The following ZFP62 variants were observed in gnomAD, a reference collection of about 807,000 sequenced individuals.
ZFP62 encodes the protein zinc finger protein 62 homolog.
Under a neutral mutation model 56.4 loss-of-function variants are expected in ZFP62, and 44 were observed. That is an observed-to-expected ratio of 0.78 (90% confidence interval 0.61 to 1.00). The LOEUF (loss-of-function observed/expected upper bound fraction) is 1.00, where lower values mean the gene tolerates loss of function less well. ZFP62 is among the 50% of genes least tolerant of loss of function. The probability of loss-of-function intolerance (pLI) is 0.00; values close to 1 mark genes in which losing one functional copy is unlikely to be tolerated. For synonymous variants in ZFP62, 421 were observed against 388.9 expected, an observed-to-expected ratio of 1.08 and a Z score of -0.97; for missense variants, 1,030 against 1,085.7, an observed-to-expected ratio of 0.95 and a Z score of 0.72.
At chr5:180,831,022 G>A in the ZFP62 span, 1 of 152,654 alleles carries the variant, frequency 6.6e-6, no homozygotes, top group East Asian at 1.9e-4. Flanking sequence ...CTGGAGCGAA[G>A]AGTTCTTTTG....
the ZFP62 span, among the ~76,000 whole-genome samples, chr5:180,829,515 CTT>C: frequency 5.9e-5 from 9 of 152,216 alleles, no homozygotes; most frequent in African/African-American, 1.9e-4. Flanking sequence ...TCTTTGTACT[CTT>C]TATTTCTCAG....
chr5:180,855,053 C>T (rs1241351282), intron 1 of ZFP62, among the ~76,000 whole-genome samples: 1 of 152,078 alleles, frequency 6.6e-6, no homozygotes, highest in Non-Finnish European at 1.5e-5. Flanking sequence ...TGAGACTATC[C>T]CAATCCTTAG....
chr5:180,828,833 G>C, the ZFP62 span, among the ~76,000 whole-genome samples: 4 of 152,208 alleles, frequency 2.6e-5, no homozygotes, highest in Non-Finnish European at 5.9e-5. Flanking sequence ...GGACGTGCAA[G>C]TAGGGAAGAT....
the ZFP62 span, among the ~76,000 whole-genome samples, chr5:180,841,276 T>C: frequency 6.8e-6 from 1 of 147,320 alleles, no homozygotes; most frequent in African/African-American, 2.5e-5. Context: ...CACATATATA[T>C]ATACATACAT....
At chr5:180,835,890 A>G in the ZFP62 span, among the ~76,000 whole-genome samples, 1 of 152,248 alleles carries the variant, frequency 6.6e-6, no homozygotes, top group African/African-American at 2.4e-5. Context: ...TTCCTAGGGC[A>G]GCCGTAACAA....
the ZFP62 span, among the ~76,000 whole-genome samples, chr5:180,828,671 G>T: frequency 1.3e-5 from 2 of 152,108 alleles, no homozygotes; most frequent in Non-Finnish European, 2.9e-5. Context: ...ATTATAAAAC[G>T]TGTGTTTGAA....
At position 180,851,299 on chromosome 5, in the gene ZFP62, T is replaced by G; in HGVS notation, c.196A>C (p.Ser66Arg). 6.4e-7 allele frequency: 1 copy of G among 1,551,718 alleles called. No individual in the cohort carries two copies. The highest frequency in any genetic ancestry group is 1.4e-5 in the African/African-American group (1 of 73,166). Residue 66 changes from serine (S) to arginine (R), a missense_variant, in exon 2 of 2, where the codon AGC becomes CGC. By Grantham distance (110) the Ser-to-Arg change is moderately radical. Coordinates refer to ENST00000502412, the MANE Select transcript of ZFP62 (RefSeq NM_001172638.2). ...TTGCTGATTGCTTCCCTGATGCTGCTTTTGTCCTCCTTCATCCTGTTTTCC... is the reference window on the plus strand; with the variant it reads ...TTGCTGATTGCTTCCCTGATGCTGCGTTTGTCCTCCTTCATCCTGTTTTCC... ...PVENRMKEDK[S>R]SIREAISKAK...
chr5:180,856,177 G>C lies in ZFP62; in HGVS notation c.2-4684C>G, dbSNP rs560831839. Reference sequence around the variant, plus strand: ...TGAAGGCCAGGGGCCTCCCTGTTCTGGCTCTGCTTAAACCCCTCTGTTTGG... The same window carrying C: ...TGAAGGCCAGGGGCCTCCCTGTTCTCGCTCTGCTTAAACCCCTCTGTTTGG... On this transcript the variant is annotated intron_variant, in intron 1 of 1. Transcript: ENST00000502412. Among the ~76,000 whole-genome samples, 62 of 152,300 alleles carry C rather than the reference G, an allele frequency of 4.1e-4. 1 individual carries two copies. In the South Asian group the frequency reaches 0.012, roughly 30 times the overall value.
intron 1 of ZFP62, among the ~76,000 whole-genome samples, chr5:180,852,734 ACAAAAGACTGATACATTTT>A (rs1260686624): frequency 6.6e-6 from 1 of 152,228 alleles, no homozygotes; most frequent in Admixed American, 6.5e-5. Flanking sequence ...CTCATATGCA[ACAAAAGACTGATACATTTT>A]CAAAAACTGA....
chr5:180,841,324 T>A, the ZFP62 span, among the ~76,000 whole-genome samples: 1 of 150,144 alleles, frequency 6.7e-6, no homozygotes, highest in East Asian at 1.9e-4. Context: ...TACACACATA[T>A]ATATATATAT....
intron 1 of ZFP62, among the ~76,000 whole-genome samples, chr5:180,858,908 C>T: frequency 6.6e-6 from 1 of 152,190 alleles, no homozygotes; most frequent in African/African-American, 2.4e-5. Flanking sequence ...CAGCCAAAAG[C>T]GTCAGACATA....
downstream of ZFP62, among the ~76,000 whole-genome samples, chr5:180,845,551 G>A (rs1005913221): frequency 1.3e-5 from 2 of 152,104 alleles, no homozygotes; most frequent in African/African-American, 4.8e-5. Context: ...AGAACCGCCA[G>A]GTCTAAATGA....
chr5:180,857,602 A>T (rs1475128886), intron 1 of ZFP62, among the ~76,000 whole-genome samples: 1 of 152,088 alleles, frequency 6.6e-6, no homozygotes, highest in Non-Finnish European at 1.5e-5. Context: ...GGTTCAAGCG[A>T]TTCTCCTGCC....
rs1337233318 is a variant in ZFP62 at position 180,849,732 on chromosome 5, G to T, written c.1763C>A (p.Pro588His). Reference sequence around the variant, plus strand: ...CTTCTCACACTCGTCACACTTAAAGGGCTTCTCCCCAGGGTGTACACTTTT... The same window carrying T: ...CTTCTCACACTCGTCACACTTAAAGTGCTTCTCCCCAGGGTGTACACTTTT... ...NHKSVHPGEK[P>H]FKCDECEKAF... The change falls in exon 2 of 2, where the codon CCC becomes CAC. Residue 588 changes from proline to histidine, a missense_variant. Pro to His is a moderately conservative substitution (Grantham distance 77, BLOSUM62 -2). Transcript: ENST00000502412. 3 of 1,551,686 alleles carry T rather than the reference G, an allele frequency of 1.9e-6. No individual in the cohort carries two copies. The highest frequency in any genetic ancestry group is 2.6e-6 in the Non-Finnish European group (3 of 1,147,106).
the ZFP62 span, among the ~76,000 whole-genome samples, chr5:180,833,135 G>A: frequency 6.6e-6 from 1 of 152,088 alleles, no homozygotes; most frequent in Non-Finnish European, 1.5e-5. Context: ...CTATTTGGAG[G>A]TGGGGCCTTT....
chr5:180,850,584 G>A lies in ZFP62; in HGVS notation c.911C>T (p.Thr304Ile). 6.4e-7 allele frequency: 1 copy of A among 1,561,208 alleles called. No individual in the cohort carries two copies. The highest frequency in any genetic ancestry group is 8.7e-7 in the Non-Finnish European group (1 of 1,152,722). Reference protein sequence around the residue: ...SGLRVHKRIHTGEKPYECDEC... With the variant: ...SGLRVHKRIHIGEKPYECDEC... ...ATCACATTCGTAAGGTTTCTCACCT[G>A]TGTGGATCCTTTTATGGACCCTAAG... The change falls in exon 2 of 2, where the codon ACA becomes ATA. Residue 304 changes from threonine (T) to isoleucine (I), a missense_variant. By Grantham distance (89) the Thr-to-Ile change is moderately conservative. Coordinates refer to ENST00000502412, the MANE Select transcript of ZFP62 (RefSeq NM_001172638.2).
intron 1 of ZFP62, among the ~76,000 whole-genome samples, chr5:180,854,720 A>T (rs1773883434): frequency 6.6e-6 from 1 of 152,206 alleles, no homozygotes. Flanking sequence ...GCATTACATG[A>T]ACTGAATCAC....
Position 180,847,752 on chromosome 5 carries a change from C to T in ZFP62, c.*1040G>A, listed in dbSNP as rs1420089653. 8 of 985,352 alleles carry T rather than the reference C, an allele frequency of 8.1e-6. No homozygotes were observed. The Admixed American group carries it at 3.7e-4, about 45-fold the overall frequency. The allele number at this position is 985,352 out of a possible 1,614,324, so 61.0% of individuals were successfully genotyped here. ...GACAACATATACATGTCCTGCATGA[C>T]ATCTTTACAATAACACATTCCAAAA... On this transcript the variant is annotated 3_prime_UTR_variant, in exon 2 of 2. Coordinates refer to ENST00000502412, the MANE Select transcript of ZFP62 (RefSeq NM_001172638.2).
At chr5:180,856,663 T>C (rs140155628) in intron 1 of ZFP62, among the ~76,000 whole-genome samples, 1 of 151,874 alleles carries the variant, frequency 6.6e-6, no homozygotes, top group African/African-American at 2.4e-5. Flanking sequence ...ATGATAAAAA[T>C]GACAGAGGCG....
Sources: allele counts gnomAD v4.1 joint callset (sites outside exome capture counted in the v4.1 genomes callset), GRCh38; gene constraint gnomAD v4.1.1; transcripts MANE v1.5; gene names NCBI Gene and HGNC (gene_info 2026-07-23, HGNC 2026-07-21).